PTK2: variants seen among roughly 807,000 people sequenced by gnomAD.
PTK2 encodes protein tyrosine kinase 2, also known as focal adhesion kinase 1.
A neutral mutation model predicts 150.1 loss-of-function variants in PTK2; 45 were observed. That is an observed-to-expected ratio of 0.30 (90% CI 0.24 to 0.38). The LOEUF (loss-of-function observed/expected upper bound fraction) is 0.38, where lower values mean the gene tolerates loss of function less well. Among genes scored for constraint, PTK2 ranks in the 10% least tolerant of loss-of-function variants. The probability of loss-of-function intolerance (pLI) is 1.00; values close to 1 mark genes in which losing one functional copy is unlikely to be tolerated. For synonymous variants in PTK2, 432 were observed against 449.2 expected (o/e 0.96, Z 0.48); for missense variants, 919 against 1,307.3 (o/e 0.70, Z 4.58).
chr8:140,746,637 T>G, intron 18 of PTK2, 123 bp downstream of exon 21: 1 of 653,200 alleles, frequency 1.5e-6, no homozygotes, highest in Non-Finnish European at 2.6e-6. Context: ...AAAACCATAA[T>G]GACATACATC....
chr8:140,659,347 C>G, exon 32 of PTK2: 1 of 770,634 alleles, frequency 1.3e-6, no homozygotes, highest in Non-Finnish European at 2.0e-6. Context: ...GATGGTCATT[C>G]AAAAAAGTTG....
intron 4 of PTK2, among the ~76,000 whole-genome samples, chr8:140,873,463 A>AT (rs561606248): frequency 0.051 from 6,088 of 118,762 alleles, 410 homozygotes; most frequent in African/African-American, 0.14. Context: ...AGTGTCTGCA[A>AT]TTTTTTTTTT....
intron 1 of PTK2, among the ~76,000 whole-genome samples, chr8:140,987,376 T>G (rs2100193689): frequency 6.6e-6 from 1 of 152,164 alleles, no homozygotes; most frequent in Admixed American, 6.5e-5. Context: ...AGATGGGTTT[T>G]CGTCATGTTG....
intron 1 of PTK2, among the ~76,000 whole-genome samples, chr8:140,936,089 T>C (rs2100173524): frequency 6.6e-6 from 1 of 152,082 alleles, no homozygotes; most frequent in African/African-American, 2.4e-5. Flanking sequence ...GACAGGAGGA[T>C]TGCTTGGCTA....
At chr8:140,936,850 T>G (rs572057679) in intron 1 of PTK2, among the ~76,000 whole-genome samples, 178 of 144,118 alleles carry the variant, frequency 1.2e-3, no homozygotes, top group African/African-American at 4.2e-3. Context: ...ACAAAGGATA[T>G]TCTAGAGAAC....
chr8:140,688,352 T>C (rs10089107), intron 26 of PTK2, among the ~76,000 whole-genome samples: 66,983 of 151,984 alleles, frequency 0.44, 15,035 homozygotes, highest in Non-Finnish European at 0.49. Context: ...TAAAAAAACA[T>C]GTTCCCTTTC....
chr8:140,908,948 G>C (rs1269638417), intron 2 of PTK2, among the ~76,000 whole-genome samples: 1 of 152,172 alleles, frequency 6.6e-6, no homozygotes, highest in East Asian at 1.9e-4. Context: ...GGGCACAGTG[G>C]CTCACGCCTG....
chr8:140,906,468 GA>G (rs1316835374), intron 2 of PTK2, among the ~76,000 whole-genome samples: 1 of 152,086 alleles, frequency 6.6e-6, no homozygotes, highest in Non-Finnish European at 1.5e-5. Flanking sequence ...ATACACAATG[GA>G]ATATTATTCA....
At chr8:140,943,346 G>A (rs757119734) in intron 1 of PTK2, among the ~76,000 whole-genome samples, 1 of 152,206 alleles carries the variant, frequency 6.6e-6, no homozygotes, top group Non-Finnish European at 1.5e-5. Flanking sequence ...CAGTTATATG[G>A]AGTTTAGTGT....
At chr8:140,710,944 CTTTCT>C (rs1290075710) in intron 23 of PTK2, among the ~76,000 whole-genome samples, 8 of 152,064 alleles carry the variant, frequency 5.3e-5, no homozygotes, top group Non-Finnish European at 1.0e-4. Flanking sequence ...CGCGGGACTT[CTTTCT>C]TTTGTTTTGA....
At chr8:140,690,665 A>G (rs1261607782) in intron 26 of PTK2, among the ~76,000 whole-genome samples, 2 of 152,210 alleles carry the variant, frequency 1.3e-5, no homozygotes, top group Non-Finnish European at 2.9e-5. Flanking sequence ...TGGAGTAATT[A>G]AAATGTAAAA....
At chr8:140,925,686 T>G (rs948047766) in exon 2 of PTK2, 3 of 985,226 alleles carry the variant, frequency 3.0e-6, no homozygotes, top group Non-Finnish European at 1.2e-6. Context: ...CTTGAGGAGC[T>G]CTGGGGAAAC....
chr8:140,834,718 A>G (rs1483594726), intron 7 of PTK2, among the ~76,000 whole-genome samples: 1 of 152,206 alleles, frequency 6.6e-6, no homozygotes, highest in East Asian at 1.9e-4. Flanking sequence ...ACTATAAGAT[A>G]AGAGTTTAAA....
At chr8:140,927,975 A>ATATATATGTATATAT (rs1367767247) in intron 1 of PTK2, among the ~76,000 whole-genome samples, 1 of 48,196 alleles carries the variant, frequency 2.1e-5, no homozygotes, top group African/African-American at 9.8e-5. Flanking sequence ...AAAAAAAAAA[A>ATATATATGTATATAT]ATATATATAT....
Position 140,734,965 on chromosome 8 carries a change from C to T in PTK2, c.2030+286G>A, listed in dbSNP as rs72681721. The T allele has an allele frequency of 1.3e-3, 591 of 471,278 alleles. 2 individuals are homozygous for T. Among genetic ancestry groups the T allele is most frequent in the Non-Finnish European group, 1.4e-3 (351 of 257,706 alleles). The allele number at this position is 471,278 out of a possible 1,614,324, so 29.2% of individuals were successfully genotyped here. A position where few individuals can be genotyped will look rare whatever the true frequency, so the allele number is the denominator to read the frequency against. On this transcript the variant is annotated intron_variant, in intron 22 of 31. Transcript: ENST00000522684. ...GTTAGATGAGATTAGTGAGGAAAGCCGGGACTAAGTTATTACGGGTCTTGT... is the reference window on the plus strand; with the variant it reads ...GTTAGATGAGATTAGTGAGGAAAGCTGGGACTAAGTTATTACGGGTCTTGT...
At position 140,770,074 on chromosome 8, in the gene PTK2, T is replaced by C. The variant is rs551728104; in HGVS notation, c.1178-5784A>G. ...CAATAAGCCAGTGGGATTTAAATAT[T>C]ATAAGGTAGACATAGGCCAGGCCCA... On this transcript the variant is annotated intron_variant, in intron 14 of 31. Transcript: ENST00000522684. Among the ~76,000 whole-genome samples the C allele has an allele frequency of 1.9e-4, 29 of 152,300 alleles. No homozygotes were observed. In the South Asian group the frequency reaches 6.0e-3, roughly 32 times the overall value.
chr8:140,678,460 C>A (rs1342150583), intron 27 of PTK2, among the ~76,000 whole-genome samples: 1 of 152,210 alleles, frequency 6.6e-6, no homozygotes, highest in African/African-American at 2.4e-5. Flanking sequence ...GATGCTCCTG[C>A]CTCAGCCTTT....
chr8:140,894,579 A>G (rs2100155412), intron 2 of PTK2, among the ~76,000 whole-genome samples: 1 of 152,242 alleles, frequency 6.6e-6, no homozygotes, highest in South Asian at 2.1e-4. Context: ...GAAGAGCCCT[A>G]TAATTGACTA....
chr8:140,724,935 C>G (rs2100044899), intron 22 of PTK2, among the ~76,000 whole-genome samples: 1 of 152,212 alleles, frequency 6.6e-6, no homozygotes, highest in Non-Finnish European at 1.5e-5. Flanking sequence ...TTTCTCTTTT[C>G]TCTTAAGCAG....
Sources: gnomAD v4.1 joint callset for allele counts (sites outside exome capture counted in the v4.1 genomes callset) on GRCh38, gnomAD v4.1.1 for gene constraint, MANE v1.5 for transcripts, NCBI Gene and HGNC (gene_info 2026-07-23, HGNC 2026-07-21) for gene names.